TANC1: variants seen among roughly 807,000 people sequenced by gnomAD.
The protein encoded by TANC1 is protein TANC1.
A neutral mutation model predicts 149.7 loss-of-function variants in TANC1; 77 were observed. The ratio of observed to expected loss-of-function variants is 0.51; its 90% CI spans 0.43 to 0.62. The LOEUF (loss-of-function observed/expected upper bound fraction) is 0.62, where lower values mean the gene tolerates loss of function less well. Ranked by LOEUF, TANC1 falls within the 20% of genes least tolerant of loss-of-function variation. The pLI is 0.00. For synonymous variants in TANC1, 854 were observed against 925.0 expected (o/e 0.92, Z 1.39); for missense variants, 1,985 against 2,321.8 (o/e 0.85, Z 2.98).
At chr2:158,985,466 C>T (rs2034889071) in intron 1 of TANC1, among the ~76,000 whole-genome samples, 1 of 152,220 alleles carries the variant, frequency 6.6e-6, no homozygotes, top group African/African-American at 2.4e-5. Context: ...AGGCGCTCTG[C>T]AGGGCATGGC....
intron 19 of TANC1, among the ~76,000 whole-genome samples, chr2:159,200,685 T>C (rs1259679390): frequency 6.6e-6 from 1 of 152,174 alleles, no homozygotes; most frequent in Non-Finnish European, 1.5e-5. Flanking sequence ...CACCAGTCTT[T>C]ATCTAGATCA....
intron 5 of TANC1, among the ~76,000 whole-genome samples, chr2:159,136,903 G>T (rs530294901): frequency 1.3e-5 from 2 of 151,722 alleles, no homozygotes; most frequent in African/African-American, 4.8e-5. Context: ...GCATTTAACA[G>T]ATATATTCAT....
At chr2:159,142,234 C>T (rs1372044889) in intron 5 of TANC1, among the ~76,000 whole-genome samples, 1 of 152,128 alleles carries the variant, frequency 6.6e-6, no homozygotes, top group African/African-American at 2.4e-5. Flanking sequence ...TTCTAGTCCC[C>T]AAGACACTTT....
intron 2 of TANC1, among the ~76,000 whole-genome samples, chr2:159,043,388 T>G (rs1314549515): frequency 6.6e-6 from 1 of 151,700 alleles, no homozygotes; most frequent in Non-Finnish European, 1.5e-5. Context: ...GTGAGGAGAG[T>G]TGAGACCAGG....
rs1038651393 is a variant in TANC1, at chr2:159,078,433, T to C, written c.61+12462T>C. The stretch of plus-strand genomic sequence containing the variant: ...GAATTATAAAGCCTGAAAAGATATA[T>C]GTAAGTCATCCTTTATTTTTTATAG... On this transcript the variant is annotated intron_variant, in intron 3 of 26. Coordinates refer to ENST00000263635, the MANE Select transcript of TANC1 (RefSeq NM_033394.3). Among the ~76,000 whole-genome samples, 12 of 152,356 alleles carry C rather than the reference T, an allele frequency of 7.9e-5. 1 individual carries two copies. The highest frequency in any genetic ancestry group is 6.5e-4 in the Admixed American group (10 of 15,312).
chr2:159,055,270 G>T (rs955080809), intron 2 of TANC1, among the ~76,000 whole-genome samples: 12 of 152,222 alleles, frequency 7.9e-5, no homozygotes, highest in Non-Finnish European at 1.2e-4. Flanking sequence ...TCAGACTGTG[G>T]TTCATACTCA....
At chr2:159,037,984 T>C (rs1031920844) in intron 2 of TANC1, among the ~76,000 whole-genome samples, 1 of 152,232 alleles carries the variant, frequency 6.6e-6, no homozygotes, top group Non-Finnish European at 1.5e-5. Flanking sequence ...TTCCTATCCA[T>C]GAGCATGGAA....
chr2:159,021,213 C>CT (rs141301513), intron 2 of TANC1, among the ~76,000 whole-genome samples: 1 of 150,966 alleles, frequency 6.6e-6, no homozygotes, highest in Non-Finnish European at 1.5e-5. Context: ...GAATTTTAAA[C>CT]TTTTTTTTTA....
chr2:159,186,305 G>A (rs912839316), intron 15 of TANC1, among the ~76,000 whole-genome samples: 24 of 152,114 alleles, frequency 1.6e-4, no homozygotes, highest in Non-Finnish European at 3.4e-4. Flanking sequence ...GCCCAGGCTG[G>A]AGAGCAGTGG....
intron 2 of TANC1, among the ~76,000 whole-genome samples, chr2:159,036,807 C>T (rs1174173109): frequency 1.3e-5 from 2 of 152,140 alleles, no homozygotes; most frequent in Non-Finnish European, 2.9e-5. Context: ...GTGAATAGTT[C>T]CACAATAAAC....
chr2:159,126,634 C>G (rs957271676), intron 4 of TANC1, among the ~76,000 whole-genome samples: 1 of 152,228 alleles, frequency 6.6e-6, no homozygotes. Flanking sequence ...AGTAGTGTCT[C>G]TTGAGTGTGG....
chr2:159,101,513 A>G (rs1006969497), intron 4 of TANC1, among the ~76,000 whole-genome samples: 27 of 143,348 alleles, frequency 1.9e-4, no homozygotes, highest in Non-Finnish European at 1.2e-4. Context: ...TCCTCCATTT[A>G]TTTGGTTTTT....
chr2:159,133,384 T>TC, intron 4 of TANC1, among the ~76,000 whole-genome samples: 1 of 151,884 alleles, frequency 6.6e-6, no homozygotes, highest in East Asian at 1.9e-4. Context: ...AGACAGGGTC[T>TC]TGCTCTGTCA....
intron 19 of TANC1, among the ~76,000 whole-genome samples, chr2:159,212,106 C>T (rs2059024315): frequency 6.6e-6 from 1 of 152,196 alleles, no homozygotes; most frequent in African/African-American, 2.4e-5. Context: ...GATTTAAAGG[C>T]CCCGTTTATA....
At chr2:159,065,530 C>T (rs1294583302) in intron 2 of TANC1, among the ~76,000 whole-genome samples, 1 of 152,022 alleles carries the variant, frequency 6.6e-6, no homozygotes, top group Non-Finnish European at 1.5e-5. Flanking sequence ...GTTCTAGTGC[C>T]GCCTTTTGAT....
intron 8 of TANC1, among the ~76,000 whole-genome samples, chr2:159,168,614 A>T (rs1462277424): frequency 6.6e-6 from 1 of 152,138 alleles, no homozygotes; most frequent in Non-Finnish European, 1.5e-5. Flanking sequence ...TTAATGCTTT[A>T]TAACAAATAC....
At chr2:159,118,963 A>G (rs1041806310) in intron 4 of TANC1, among the ~76,000 whole-genome samples, 1 of 152,212 alleles carries the variant, frequency 6.6e-6, no homozygotes, top group Non-Finnish European at 1.5e-5. Flanking sequence ...TCTTAAAGTA[A>G]AAAATCTCTG....
chr2:159,144,615 G>A (rs540821905), intron 5 of TANC1, among the ~76,000 whole-genome samples: 16 of 152,128 alleles, frequency 1.1e-4, no homozygotes, highest in Non-Finnish European at 1.9e-4. Context: ...TGATCCACTC[G>A]AACATCTGAT....
chr2:159,219,500 A>G, intron 21 of TANC1, 139 bp downstream of exon 21: 2 of 1,345,164 alleles, frequency 1.5e-6, no homozygotes, highest in Non-Finnish European at 2.1e-6. Context: ...GAGAATAGGC[A>G]ACACAGCCAC....
Sources: gnomAD v4.1 joint callset for allele counts (sites outside exome capture counted in the v4.1 genomes callset) on GRCh38, gnomAD v4.1.1 for gene constraint, MANE v1.5 for transcripts, NCBI Gene and HGNC (gene_info 2026-07-23, HGNC 2026-07-21) for gene names.